The following UBE2U variants were observed in gnomAD, a reference collection of about 807,000 sequenced individuals.
UBE2U encodes ubiquitin conjugating enzyme E2 U, also known as ubiquitin-conjugating enzyme E2 U.
UBE2U carries 39 observed loss-of-function variants against 41.2 expected under a neutral mutation model. The ratio of observed to expected loss-of-function variants is 0.95; its 90% CI spans 0.73 to 1.24. The LOEUF (loss-of-function observed/expected upper bound fraction) is 1.24. UBE2U is among the 50% of genes most tolerant of loss of function. The pLI is 0.00. For missense variants in UBE2U, 336 were observed against 363.1 expected, an observed-to-expected ratio of 0.93 and a Z score of 0.61; for synonymous variants, 107 against 117.8, an observed-to-expected ratio of 0.91 and a Z score of 0.60.
chr1:64,220,748 T>G, intron 5 of UBE2U, 111 bp from the exon 6 acceptor site: 1 of 858,164 alleles, frequency 1.2e-6, no homozygotes, highest in Non-Finnish European at 1.8e-6. Context: ...ATTTTATATC[T>G]TATTTTTATT....
chr1:64,233,516 C>T (rs1644610709), intron 7 of UBE2U, among the ~76,000 whole-genome samples: 1 of 152,164 alleles, frequency 6.6e-6, no homozygotes, highest in African/African-American at 2.4e-5. Flanking sequence ...ATGAGGTTTA[C>T]TTTACTTCCT....
intron 6 of UBE2U, among the ~76,000 whole-genome samples, chr1:64,228,016 C>T (rs1482296143): frequency 2.0e-5 from 3 of 152,114 alleles, no homozygotes; most frequent in African/African-American, 7.2e-5. Flanking sequence ...AGATTAAATT[C>T]AGTCTCAATC....
intron 8 of UBE2U, chr1:64,244,304 G>T (rs1259245169): frequency 3.8e-6 from 4 of 1,057,166 alleles, no homozygotes; most frequent in South Asian, 3.7e-5. Flanking sequence ...TTATATATAT[G>T]ATTTCATTCG....
intron 6 of UBE2U, among the ~76,000 whole-genome samples, chr1:64,221,800 C>T (rs1173255169): frequency 6.6e-6 from 1 of 152,068 alleles, no homozygotes; most frequent in Non-Finnish European, 1.5e-5. Context: ...AATTAGATAA[C>T]TTATGGCCGA....
intron 6 of UBE2U, among the ~76,000 whole-genome samples, chr1:64,225,158 CT>C (rs1652782730): frequency 6.6e-6 from 1 of 152,116 alleles, no homozygotes; most frequent in Non-Finnish European, 1.5e-5. Flanking sequence ...ATTATAATAA[CT>C]TTAGTCAAAG....
intron 6 of UBE2U, among the ~76,000 whole-genome samples, chr1:64,228,156 A>T (rs1653005788): frequency 6.6e-6 from 1 of 152,340 alleles, no homozygotes; most frequent in African/African-American, 2.4e-5. Context: ...ACCCCTAGAT[A>T]TTAAGATGTA....
chr1:64,230,134 A>G (rs1396868634), intron 6 of UBE2U, among the ~76,000 whole-genome samples: 2 of 152,098 alleles, frequency 1.3e-5, no homozygotes, highest in Non-Finnish European at 2.9e-5. Flanking sequence ...CATTGCCTTC[A>G]ACTCATCTCC....
intron 3 of UBE2U, 28 bp from the exon 4 acceptor site, chr1:64,210,714 C>A (rs751908084): frequency 1.5e-6 from 2 of 1,312,028 alleles, no homozygotes; most frequent in East Asian, 2.7e-5. Context: ...ATTATAAATG[C>A]AAATATTAAT....
At chr1:64,230,750 A>G (rs1479018872) in intron 6 of UBE2U, among the ~76,000 whole-genome samples, 1 of 152,160 alleles carries the variant, frequency 6.6e-6, no homozygotes, top group Non-Finnish European at 1.5e-5. Context: ...AAACCATATA[A>G]CACTTTATCG....
At chr1:64,221,912 T>C (rs920636903) in intron 6 of UBE2U, among the ~76,000 whole-genome samples, 28 of 151,966 alleles carry the variant, frequency 1.8e-4, no homozygotes, top group Middle Eastern at 3.4e-3. Flanking sequence ...TGGTGAAACC[T>C]GTCTCTACTA....
At chr1:64,234,544 A>T (rs1338501401) in intron 7 of UBE2U, among the ~76,000 whole-genome samples, 2 of 152,240 alleles carry the variant, frequency 1.3e-5, no homozygotes, top group African/African-American at 4.8e-5. Context: ...AGCTTAATAA[A>T]TATCCTTAAA....
At chr1:64,230,880 C>T (rs1487176010) in intron 6 of UBE2U, among the ~76,000 whole-genome samples, 1 of 152,066 alleles carries the variant, frequency 6.6e-6, no homozygotes, top group Non-Finnish European at 1.5e-5. Flanking sequence ...GTATTCATGA[C>T]GTCAATGATA....
At chr1:64,234,852 G>A (rs1399794636) in intron 7 of UBE2U, among the ~76,000 whole-genome samples, 1 of 152,140 alleles carries the variant, frequency 6.6e-6, no homozygotes, top group African/African-American at 2.4e-5. Flanking sequence ...GCTCATATAG[G>A]CTGCAGGGGC....
chr1:64,237,304 G>GAAAAAAAAA (rs35861714), intron 7 of UBE2U, among the ~76,000 whole-genome samples: 2 of 95,796 alleles, frequency 2.1e-5, no homozygotes, highest in Non-Finnish European at 2.0e-5. Flanking sequence ...ATGTATCATA[G>GAAAAAAAAA]AAAAAAAAAA....
chr1:64,209,162 C>T lies in UBE2U; in HGVS notation c.242-1580C>T, dbSNP rs80291119. 9.4e-3 allele frequency among the ~76,000 whole-genome samples: 1,435 copies of T among 152,148 alleles called. 24 individuals carry two copies. The highest frequency in any genetic ancestry group is 0.033 in the African/African-American group (1,381 of 41,498). ...TCTATAACACAAAATTAATTACATA[C>T]GTGTGCCTTTATTTGTTTAAAATAG... On this transcript the variant is annotated intron_variant, in intron 3 of 9. Coordinates refer to ENST00000371077, the MANE Select transcript of UBE2U (RefSeq NM_001366232.2).
At position 64,206,185 on chromosome 1, in the gene UBE2U, T is replaced by C. The variant is rs377102538; in HGVS notation, c.148+465T>C. On this transcript the variant is annotated intron_variant, in intron 2 of 9. Transcript: ENST00000371077. ...ACTATAAACTTTAATGCTCATGTTT[T>C]CTTTCAATTATGGATTAATAAGATA... Among the ~76,000 whole-genome samples, 41 of 152,316 alleles carry C rather than the reference T, an allele frequency of 2.7e-4. 5 individuals carry two copies. In the South Asian group the frequency reaches 4.8e-3, roughly 18 times the overall value.
intron 6 of UBE2U, among the ~76,000 whole-genome samples, chr1:64,223,489 A>G (rs1450247785): frequency 6.6e-6 from 1 of 152,084 alleles, no homozygotes; most frequent in African/African-American, 2.4e-5. Context: ...TTTAGCAGAA[A>G]CTTTCCCCTG....
chr1:64,217,565 A>T (rs1388143897), intron 5 of UBE2U, among the ~76,000 whole-genome samples: 1 of 152,218 alleles, frequency 6.6e-6, no homozygotes, highest in Middle Eastern at 3.4e-3. Context: ...TTGATTTTTT[A>T]AAATGTAAGT....
intron 4 of UBE2U, among the ~76,000 whole-genome samples, chr1:64,212,613 T>A (rs1305396000): frequency 1.3e-5 from 2 of 152,210 alleles, no homozygotes; most frequent in Non-Finnish European, 2.9e-5. Context: ...GTCGAGTATT[T>A]CTTATCTGAA....
Sources: gnomAD v4.1 joint callset for allele counts (sites outside exome capture counted in the v4.1 genomes callset) on GRCh38, gnomAD v4.1.1 for gene constraint, MANE v1.5 for transcripts, NCBI Gene and HGNC (gene_info 2026-07-23, HGNC 2026-07-21) for gene names.